The following NOL4 variants were observed in gnomAD, a reference collection of about 807,000 sequenced individuals.
NOL4 encodes cancer/testis antigen 125.
Under a neutral mutation model 75.9 loss-of-function variants are expected in NOL4, and 17 were observed. The observed-to-expected ratio is 0.22, with a 90% confidence interval of 0.15 to 0.34. The LOEUF (loss-of-function observed/expected upper bound fraction) is 0.34. NOL4 is among the 10% of genes least tolerant of loss of function. NOL4 has a pLI of 1.00. For synonymous variants in NOL4, 292 were observed against 289.9 expected (o/e 1.01, Z -0.07); for missense variants, 614 against 793.5 (o/e 0.77, Z 2.72).
intron 4 of NOL4, among the ~76,000 whole-genome samples, chr18:34,093,883 C>T (rs1263506425): frequency 2.0e-5 from 3 of 151,892 alleles, no homozygotes; most frequent in African/African-American, 7.3e-5. Flanking sequence ...ACTAAAAATA[C>T]AGAAAGAAAT....
intron 5 of NOL4, among the ~76,000 whole-genome samples, chr18:34,038,673 G>A (rs1049536302): frequency 6.6e-6 from 1 of 152,010 alleles, no homozygotes; most frequent in South Asian, 2.1e-4. Flanking sequence ...TCATATGTAG[G>A]AGCTAAAAAA....
At chr18:34,059,578 C>A (rs2076986970) in intron 5 of NOL4, among the ~76,000 whole-genome samples, 1 of 152,102 alleles carries the variant, frequency 6.6e-6, no homozygotes, top group African/African-American at 2.4e-5. Flanking sequence ...CGCTTGGGAT[C>A]ACTAGCTTCC....
At chr18:34,038,743 G>T (rs2076018152) in intron 5 of NOL4, among the ~76,000 whole-genome samples, 1 of 152,040 alleles carries the variant, frequency 6.6e-6, no homozygotes, top group Admixed American at 6.6e-5. Flanking sequence ...AAGTGTGTTA[G>T]AATGAGTAGG....
chr18:33,963,684 A>T (rs560671289), intron 6 of NOL4, among the ~76,000 whole-genome samples: 7 of 152,310 alleles, frequency 4.6e-5, no homozygotes, highest in Middle Eastern at 6.8e-3. Flanking sequence ...TTTTTGCCTT[A>T]GCTATATACT....
At chr18:33,965,466 C>T (rs141721712) in intron 6 of NOL4, among the ~76,000 whole-genome samples, 222 of 152,298 alleles carry the variant, frequency 1.5e-3, no homozygotes, top group African/African-American at 5.0e-3. Flanking sequence ...GAACTCCAGC[C>T]TGGGCAACAG....
intron 9 of NOL4, among the ~76,000 whole-genome samples, chr18:33,903,349 G>T (rs1599810448): frequency 6.6e-6 from 1 of 152,214 alleles, no homozygotes; most frequent in East Asian, 1.9e-4. Context: ...CCTCCCACCA[G>T]GTCCTTCCCT....
At chr18:33,874,173 G>C (rs760031230) in intron 10 of NOL4, among the ~76,000 whole-genome samples, 1 of 151,742 alleles carries the variant, frequency 6.6e-6, no homozygotes, top group Non-Finnish European at 1.5e-5. Flanking sequence ...TTCTATCTTG[G>C]TCATTATGCA....
chr18:34,142,182 C>A (rs754570290), intron 1 of NOL4, among the ~76,000 whole-genome samples: 5 of 152,148 alleles, frequency 3.3e-5, no homozygotes, highest in South Asian at 2.1e-4. Context: ...CAGGAAACAA[C>A]AGGTGCTGGA....
chr18:34,187,026 T>C (rs1460971623), intron 1 of NOL4, among the ~76,000 whole-genome samples: 1 of 152,184 alleles, frequency 6.6e-6, no homozygotes, highest in African/African-American at 2.4e-5. Context: ...TGAATCTACC[T>C]TGGCAATCAT....
At chr18:34,060,342 T>C (rs2077019863) in intron 5 of NOL4, among the ~76,000 whole-genome samples, 2 of 152,210 alleles carry the variant, frequency 1.3e-5, no homozygotes, top group Non-Finnish European at 2.9e-5. Flanking sequence ...CTTTCAATTT[T>C]GAACTAGTTT....
At chr18:34,042,693 C>A (rs2076192257) in intron 5 of NOL4, among the ~76,000 whole-genome samples, 1 of 151,996 alleles carries the variant, frequency 6.6e-6, no homozygotes, top group African/African-American at 2.4e-5. Context: ...TAGTTATTTC[C>A]TTTAATTCCC....
intron 9 of NOL4, among the ~76,000 whole-genome samples, chr18:33,886,827 A>G (rs545110641): frequency 2.8e-4 from 38 of 133,498 alleles, no homozygotes; most frequent in African/African-American, 6.6e-4. Flanking sequence ...ATCTATATAC[A>G]TATATATCTA....
At chr18:33,976,643 AG>A (rs2071510193) in intron 6 of NOL4, among the ~76,000 whole-genome samples, 1 of 152,172 alleles carries the variant, frequency 6.6e-6, no homozygotes, top group Non-Finnish European at 1.5e-5. Context: ...GATGAAAAAA[AG>A]TTATGCATAC....
chr18:33,873,674 C>A (rs539282075), intron 10 of NOL4, among the ~76,000 whole-genome samples: 3 of 152,066 alleles, frequency 2.0e-5, no homozygotes, highest in Non-Finnish European at 2.9e-5. Context: ...GAAGCAATTT[C>A]TTTCACTCAG....
chr18:33,859,447 A>G (rs956723125), intron 10 of NOL4, among the ~76,000 whole-genome samples: 1 of 152,110 alleles, frequency 6.6e-6, no homozygotes, highest in South Asian at 2.1e-4. Flanking sequence ...TCAAATGCAA[A>G]TGTTTTTCTG....
intron 9 of NOL4, among the ~76,000 whole-genome samples, chr18:33,887,469 G>A (rs1380619618): frequency 6.7e-6 from 1 of 150,198 alleles, no homozygotes; most frequent in African/African-American, 2.5e-5. Context: ...TGTGCACAAT[G>A]TGCAGGTTTG....
At chr18:33,866,776 G>A (rs75086709) in intron 10 of NOL4, among the ~76,000 whole-genome samples, 2 of 152,146 alleles carry the variant, frequency 1.3e-5, no homozygotes, top group Non-Finnish European at 2.9e-5. Flanking sequence ...CTGCAGGAGA[G>A]AGAAGAGTTA....
At chr18:34,129,813 G>T (rs2080552013) in intron 2 of NOL4, 58 bp downstream of exon 2, 20 of 1,449,346 alleles carry the variant, frequency 1.4e-5, no homozygotes, top group East Asian at 4.8e-5. Context: ...ATTTAAACAA[G>T]GATACATAAT....
chr18:34,013,664 C>T (rs2074509388), intron 6 of NOL4, among the ~76,000 whole-genome samples: 1 of 151,966 alleles, frequency 6.6e-6, no homozygotes, highest in Non-Finnish European at 1.5e-5. Context: ...TCCTATTTAA[C>T]CAATGAGAAT....
Sources: allele counts gnomAD v4.1 joint callset (sites outside exome capture counted in the v4.1 genomes callset), GRCh38; gene constraint gnomAD v4.1.1; transcripts MANE v1.5; gene names NCBI Gene and HGNC (gene_info 2026-07-23, HGNC 2026-07-21).